Variants in EYS observed in about 807,000 individuals in gnomAD.
EYS encodes EGF-like photoreceptor maintenance factor, also known as protein eyes shut homolog.
In EYS, 250 loss-of-function variants were observed where a neutral mutation model predicts 282.1. The observed-to-expected ratio is 0.89, with a 90% CI of 0.80 to 0.98. The LOEUF (loss-of-function observed/expected upper bound fraction) is 0.98. EYS is among the 50% of genes least tolerant of loss of function. The pLI, the probability that EYS is intolerant of heterozygous loss-of-function variation, is 0.00. For missense variants in EYS, 4,016 were observed against 3,709.0 expected (o/e 1.08, Z -2.15); for synonymous variants, 1,355 against 1,282.9 (o/e 1.06, Z -1.20).
At chr6:64,433,621 C>A (rs1774642063) in intron 28 of EYS, among the ~76,000 whole-genome samples, 1 of 151,650 alleles carries the variant, frequency 6.6e-6, no homozygotes. Flanking sequence ...AAATAAGAAG[C>A]AATGGTGTAT....
intron 22 of EYS, among the ~76,000 whole-genome samples, chr6:64,702,516 C>G (rs1199184305): frequency 6.6e-6 from 1 of 151,970 alleles, no homozygotes; most frequent in African/African-American, 2.4e-5. Context: ...TTCAGAACAT[C>G]GTCAAGATCA....
intron 35 of EYS, among the ~76,000 whole-genome samples, chr6:63,894,754 T>A (rs1773493922): frequency 6.6e-6 from 1 of 151,798 alleles, no homozygotes; most frequent in African/African-American, 2.4e-5. Context: ...GCTGATTTTT[T>A]TTATTATTAT....
At chr6:64,682,880 T>C (rs1039387858) in intron 22 of EYS, among the ~76,000 whole-genome samples, 7 of 152,212 alleles carry the variant, frequency 4.6e-5, no homozygotes, top group African/African-American at 9.6e-5. Flanking sequence ...AGTTGACTTA[T>C]TTCTTCTGAG....
intron 30 of EYS, among the ~76,000 whole-genome samples, chr6:64,285,692 T>G (rs2150363374): frequency 6.6e-6 from 1 of 152,266 alleles, no homozygotes; most frequent in East Asian, 1.9e-4. Flanking sequence ...TTAATTGGAC[T>G]TACACTTCCA....
intron 12 of EYS, among the ~76,000 whole-genome samples, chr6:65,138,836 T>C (rs770048530): frequency 2.0e-5 from 3 of 151,874 alleles, no homozygotes; most frequent in Non-Finnish European, 4.4e-5. Context: ...ATATGAAAAA[T>C]ATTCAACATC....
At chr6:65,321,292 G>C (rs1357530934) in intron 11 of EYS, among the ~76,000 whole-genome samples, 1 of 151,986 alleles carries the variant, frequency 6.6e-6, no homozygotes, top group Non-Finnish European at 1.5e-5. Context: ...CTGGGAATTT[G>C]TTTCAGGAGT....
At position 64,945,843 on chromosome 6, in the gene EYS, C is replaced by T; in HGVS notation, c.2331G>A (p.Met777Ile). 6.5e-7 allele frequency: 1 copy of T among 1,549,770 alleles called. No homozygotes were observed. Among genetic ancestry groups the T allele is most frequent in the Non-Finnish European group, 8.7e-7 (1 of 1,145,706 alleles). ...FCEQESNECK[M>I]NPCKNNSTCT... The stretch of plus-strand genomic sequence containing the variant: ...AGGTGGAATTGTTCTTGCAAGGATT[C>T]ATTTTACACTCATTGGATTCTTGTT... The change falls in exon 15 of 43, where the codon ATG becomes ATA. Residue 777 changes from methionine (M) to isoleucine (I), a missense_variant. Physicochemically the swap from Met to Ile is conservative, Grantham distance 10. Transcript: ENST00000503581.
chr6:65,447,371 T>A (rs1380090793), intron 5 of EYS, among the ~76,000 whole-genome samples: 8 of 147,056 alleles, frequency 5.4e-5, no homozygotes, highest in Non-Finnish European at 9.0e-5. Flanking sequence ...GTTATATATA[T>A]AAATATATGT....
chr6:65,620,932 T>C (rs1766455570), intron 2 of EYS, among the ~76,000 whole-genome samples: 1 of 152,208 alleles, frequency 6.6e-6, no homozygotes, highest in Non-Finnish European at 1.5e-5. Flanking sequence ...TTGTTATCAT[T>C]TCTGTTCTTT....
chr6:63,755,007 C>T (rs1332888695), intron 41 of EYS, among the ~76,000 whole-genome samples: 1 of 152,092 alleles, frequency 6.6e-6, no homozygotes, highest in East Asian at 1.9e-4. Context: ...AGTGTCTGTT[C>T]ATTTCCTTTG....
chr6:63,808,076 G>T (rs1266526920), intron 36 of EYS, among the ~76,000 whole-genome samples: 1 of 152,058 alleles, frequency 6.6e-6, no homozygotes. Context: ...CATATATATG[G>T]TATTTTACTG....
At chr6:64,924,626 A>T (rs1768455102) in intron 15 of EYS, among the ~76,000 whole-genome samples, 2 of 152,136 alleles carry the variant, frequency 1.3e-5, no homozygotes, top group Admixed American at 1.3e-4. Flanking sequence ...TACCCAAGTC[A>T]CCTCTTGAAT....
intron 30 of EYS, among the ~76,000 whole-genome samples, chr6:64,247,046 T>G (rs990660642): frequency 2.0e-5 from 3 of 152,166 alleles, no homozygotes; most frequent in Admixed American, 2.0e-4. Flanking sequence ...GGACTAAGTG[T>G]TTCATGTCAA....
intron 14 of EYS, among the ~76,000 whole-genome samples, chr6:64,984,936 C>A (rs772700087): frequency 6.6e-6 from 1 of 151,470 alleles, no homozygotes; most frequent in South Asian, 2.1e-4. Flanking sequence ...TACAAATAAA[C>A]CTCTTTTTAA....
intron 1 of EYS, among the ~76,000 whole-genome samples, chr6:65,671,369 T>C (rs1486554700): frequency 1.3e-5 from 2 of 152,138 alleles, no homozygotes; most frequent in Non-Finnish European, 2.9e-5. Context: ...TCTTATTTTG[T>C]AAGGTTCTAA....
chr6:65,072,220 A>G (rs948494761), intron 12 of EYS, among the ~76,000 whole-genome samples: 1 of 151,846 alleles, frequency 6.6e-6, no homozygotes, highest in Non-Finnish European at 1.5e-5. Flanking sequence ...ATTGGGGAGA[A>G]ATTGTAAGAA....
chr6:63,843,439 C>T (rs866344741), intron 36 of EYS, among the ~76,000 whole-genome samples: 46 of 152,030 alleles, frequency 3.0e-4, no homozygotes, highest in African/African-American at 7.0e-4. Flanking sequence ...TTGTAATTTT[C>T]GCACATTGAT....
At chr6:65,296,144 C>A in intron 11 of EYS, 25 bp from the exon 12 acceptor site, 1 of 1,528,930 alleles carries the variant, frequency 6.5e-7, no homozygotes, top group Non-Finnish European at 8.8e-7. Context: ...AATGAAAAAC[C>A]CAATTAGTCA....
At chr6:65,239,891 G>A (rs1221323469) in intron 12 of EYS, among the ~76,000 whole-genome samples, 2 of 151,734 alleles carry the variant, frequency 1.3e-5, no homozygotes, top group African/African-American at 4.8e-5. Context: ...AAAAAAATCT[G>A]TTAAGAAACT....
Sources: allele counts gnomAD v4.1 joint callset (sites outside exome capture counted in the v4.1 genomes callset), GRCh38; gene constraint gnomAD v4.1.1; transcripts MANE v1.5; gene names NCBI Gene and HGNC (gene_info 2026-07-23, HGNC 2026-07-21).